OSBPL10: variants seen among roughly 807,000 people sequenced by gnomAD.
OSBPL10 encodes oxysterol binding protein like 10, also known as oxysterol-binding protein-related protein 10.
In OSBPL10, 49 loss-of-function variants were observed where a neutral mutation model predicts 81.7. The ratio of observed to expected loss-of-function variants is 0.60; its 90% CI spans 0.48 to 0.76. OSBPL10 has a LOEUF of 0.76. Ranked by LOEUF, OSBPL10 falls within the 30% of genes least tolerant of loss-of-function variation. OSBPL10 has a pLI of 0.00. For missense variants in OSBPL10, 923 were observed against 987.8 expected, an observed-to-expected ratio of 0.93 and a Z score of 0.88; for synonymous variants, 419 against 383.6, an observed-to-expected ratio of 1.09 and a Z score of -1.08.
chr3:31,965,467 A>T (rs1431016793), intron 1 of OSBPL10, among the ~76,000 whole-genome samples: 1 of 106,514 alleles, frequency 9.4e-6, no homozygotes, highest in Non-Finnish European at 1.8e-5. Context: ...AATTTATATA[A>T]TATATATTAT....
In OSBPL10 at chr3:31,878,368, C is replaced by T. The variant is rs140718545; in HGVS notation, c.457+1287G>A. Among the ~76,000 whole-genome samples, 565 of 152,266 alleles carry T rather than the reference C, an allele frequency of 3.7e-3. 4 individuals are homozygous for T. The highest frequency in any genetic ancestry group is 0.013 in the African/African-American group (532 of 41,544). On this transcript the variant is annotated intron_variant, in intron 2 of 11. Transcript: ENST00000396556. ...ATTTATTAAGCAATAAATGGCAAAG[C>T]GAAGCCAAGGACCATATAAATCTAG...
chr3:31,728,924 A>C (rs1389392482), intron 6 of OSBPL10, among the ~76,000 whole-genome samples: 1 of 152,210 alleles, frequency 6.6e-6, no homozygotes, highest in African/African-American at 2.4e-5. Context: ...CTGAAATCCA[A>C]AATACTCCAA....
chr3:31,723,987 G>T (rs1429050109), intron 6 of OSBPL10, among the ~76,000 whole-genome samples: 1 of 152,188 alleles, frequency 6.6e-6, no homozygotes, highest in Non-Finnish European at 1.5e-5. Flanking sequence ...AAGCAAGGGA[G>T]CTGTGAAATT....
chr3:31,965,438 T>C (rs1448756780), intron 1 of OSBPL10, among the ~76,000 whole-genome samples: 1 of 77,538 alleles, frequency 1.3e-5, no homozygotes, highest in Non-Finnish European at 2.0e-5. Context: ...TAATATATAA[T>C]ATATATTATA....
At chr3:31,830,828 C>G (rs944391960) in intron 3 of OSBPL10, among the ~76,000 whole-genome samples, 1 of 152,210 alleles carries the variant, frequency 6.6e-6, no homozygotes, top group Non-Finnish European at 1.5e-5. Context: ...ACGAACTAAG[C>G]TGTCCACCAA....
intron 2 of OSBPL10, among the ~76,000 whole-genome samples, chr3:32,044,741 CAAAAAAAA>C (rs34855965): frequency 3.0e-5 from 2 of 67,070 alleles, no homozygotes; most frequent in Non-Finnish European, 5.4e-5. Context: ...AACTCCATCT[CAAAAAAAA>C]AAAAAAAAAA....
At chr3:31,681,585 T>C (rs1700643585) in intron 8 of OSBPL10, among the ~76,000 whole-genome samples, 1 of 152,174 alleles carries the variant, frequency 6.6e-6, no homozygotes, top group Non-Finnish European at 1.5e-5. Context: ...GTTCTCATCT[T>C]ACTGGAGTAA....
intron 4 of OSBPL10, among the ~76,000 whole-genome samples, chr3:31,817,225 A>C (rs1189797228): frequency 1.3e-5 from 2 of 152,158 alleles, no homozygotes; most frequent in African/African-American, 4.8e-5. Flanking sequence ...CCCTGGCCTA[A>C]AGATGGGGCC....
chr3:31,909,841 CT>C (rs1177459426), intron 1 of OSBPL10, among the ~76,000 whole-genome samples: 1 of 152,118 alleles, frequency 6.6e-6, no homozygotes, highest in Non-Finnish European at 1.5e-5. Flanking sequence ...AACAAACCCC[CT>C]AACACCATTT....
chr3:31,985,382 C>T (rs1335877799), upstream of OSBPL10, among the ~76,000 whole-genome samples: 1 of 152,182 alleles, frequency 6.6e-6, no homozygotes, highest in Non-Finnish European at 1.5e-5. Flanking sequence ...ACAGCCATCA[C>T]AGACCATGTA....
rs1485968747 is a variant in OSBPL10, at chr3:31,783,146, T to TATATATATATATATACACAC, written c.730-35027_730-35026insGTGTGTATATATATATATAT. Among the ~76,000 whole-genome samples, 227 of 112,360 alleles carry TATATATATATATATACACAC rather than the reference T, an allele frequency of 2.0e-3. 1 individual carries two copies. Among genetic ancestry groups the TATATATATATATATACACAC allele is most frequent in the Non-Finnish European group, 3.0e-3 (167 of 56,036 alleles). 73.7% of individuals were successfully genotyped at this position (112,360 alleles called of 152,430 possible). A position where few individuals can be genotyped will look rare whatever the true frequency, so the allele number is the denominator to read the frequency against. ...ATATATATATATATATATATATATA[T>TATATATATATATATACACAC]ACACACACACCATAGAATACTACTC... On this transcript the variant is annotated intron_variant, in intron 4 of 11. Transcript: ENST00000396556.
intron 2 of OSBPL10, among the ~76,000 whole-genome samples, chr3:31,986,782 G>A (rs1427437738): frequency 6.6e-6 from 1 of 152,098 alleles, no homozygotes; most frequent in African/African-American, 2.4e-5. Context: ...AGGCTGAGAT[G>A]GGAGGATTGC....
intron 4 of OSBPL10, among the ~76,000 whole-genome samples, chr3:31,806,614 G>A (rs1412156225): frequency 6.6e-6 from 1 of 152,194 alleles, no homozygotes. Flanking sequence ...CACAGGCAAT[G>A]AGCAAATAAA....
In OSBPL10 at chr3:31,934,740, T is replaced by C. The variant is rs541655367; in HGVS notation, c.281+46159A>G. 4.6e-5 allele frequency among the ~76,000 whole-genome samples: 7 copies of C among 152,262 alleles called. No homozygotes were observed. The South Asian group carries it at 1.5e-3, about 32-fold the overall frequency. On this transcript the variant is annotated intron_variant, in intron 1 of 11. Coordinates refer to ENST00000396556, the MANE Select transcript of OSBPL10 (RefSeq NM_017784.5). ...CATTTCTATTCATAAACGTAGCATT[T>C]CCCAAAGACTCTTCTAAATAGTTTA...
intron 2 of OSBPL10, among the ~76,000 whole-genome samples, chr3:32,023,582 C>T (rs574424582): frequency 6.6e-6 from 1 of 152,268 alleles, no homozygotes; most frequent in East Asian, 1.9e-4. Context: ...CACCCACAAG[C>T]CCCTAAAAGA....
chr3:31,772,731 C>G (rs1350770836), intron 4 of OSBPL10, among the ~76,000 whole-genome samples: 1 of 152,174 alleles, frequency 6.6e-6, no homozygotes, highest in Non-Finnish European at 1.5e-5. Flanking sequence ...ACAGTTTTCA[C>G]CATTCTGTGT....
chr3:32,013,031 T>A (rs1439565790), intron 2 of OSBPL10, among the ~76,000 whole-genome samples: 5 of 152,042 alleles, frequency 3.3e-5, no homozygotes, highest in African/African-American at 7.3e-5. Context: ...ATTAAACAGA[T>A]CAACGAGGCA....
intron 6 of OSBPL10, among the ~76,000 whole-genome samples, chr3:31,705,395 G>A (rs145999297): frequency 2.9e-4 from 35 of 121,842 alleles, no homozygotes; most frequent in East Asian, 1.7e-3. Flanking sequence ...CCCCCATCGC[G>A]GTCCAACTTG....
At chr3:32,066,023 AAG>A (rs150484350) in intron 1 of OSBPL10, among the ~76,000 whole-genome samples, 1,518 of 68,266 alleles carry the variant, frequency 0.022, 305 homozygotes, top group African/African-American at 0.045. Context: ...GAAAGAAAGA[AAG>A]AGAGAGAGAG....
Sources: gnomAD v4.1 joint callset for allele counts (sites outside exome capture counted in the v4.1 genomes callset) on GRCh38, gnomAD v4.1.1 for gene constraint, MANE v1.5 for transcripts, NCBI Gene and HGNC (gene_info 2026-07-23, HGNC 2026-07-21) for gene names.